Variants in ERGIC1 observed in about 807,000 individuals in gnomAD.
ERGIC1 encodes the protein endoplasmic reticulum-Golgi intermediate compartment protein 1.
ERGIC1 carries 19 observed loss-of-function variants against 38.3 expected under a neutral mutation model. The ratio of observed to expected loss-of-function variants is 0.50; its 90% CI spans 0.35 to 0.73. The LOEUF (loss-of-function observed/expected upper bound fraction) is 0.73, where lower values mean the gene tolerates loss of function less well. Among genes scored for constraint, ERGIC1 ranks in the 30% least tolerant of loss-of-function variants. The pLI is 0.01. For synonymous variants in ERGIC1, 124 were observed against 157.6 expected (o/e 0.79, Z 1.60); for missense variants, 294 against 389.2 (o/e 0.76, Z 2.06).
intron 9 of ERGIC1, among the ~76,000 whole-genome samples, chr5:172,946,713 G>T (rs1581592685): frequency 6.6e-6 from 1 of 152,276 alleles, no homozygotes; most frequent in African/African-American, 2.4e-5. Context: ...TCCAGGAAGT[G>T]CCAGTCCTGG....
At chr5:172,872,350 T>G (rs908973412) in intron 1 of ERGIC1, among the ~76,000 whole-genome samples, 2 of 152,210 alleles carry the variant, frequency 1.3e-5, no homozygotes, top group Admixed American at 6.5e-5. Context: ...AGGATCAGAT[T>G]TGAGGATCAG....
intron 1 of ERGIC1, among the ~76,000 whole-genome samples, chr5:172,888,045 T>A (rs1402276491): frequency 6.6e-6 from 1 of 152,172 alleles, no homozygotes; most frequent in African/African-American, 2.4e-5. Flanking sequence ...GTTCCATACA[T>A]TCCATAATTA....
At chr5:172,942,344 G>A (rs977432435) in intron 9 of ERGIC1, among the ~76,000 whole-genome samples, 9 of 152,098 alleles carry the variant, frequency 5.9e-5, no homozygotes, top group Non-Finnish European at 1.2e-4. Flanking sequence ...CCCATATGCC[G>A]CCTCGGTTCT....
intron 1 of ERGIC1, among the ~76,000 whole-genome samples, chr5:172,839,271 A>G (rs1761102007): frequency 6.7e-6 from 1 of 149,748 alleles, no homozygotes; most frequent in East Asian, 2.0e-4. Flanking sequence ...GTATATATAT[A>G]TGGGCCAGGT....
At chr5:172,917,560 T>C (rs987801236) in intron 5 of ERGIC1, 2 of 152,176 alleles carry the variant, frequency 1.3e-5, no homozygotes, top group Non-Finnish European at 2.9e-5. Flanking sequence ...TTGAGGAGCA[T>C]TGGTTTAAGC....
intron 3 of ERGIC1, among the ~76,000 whole-genome samples, chr5:172,900,277 T>A (rs563017106): frequency 4.9e-4 from 74 of 152,262 alleles, no homozygotes; most frequent in African/African-American, 1.8e-3. Context: ...GCAGGGCTGC[T>A]TCTTTCTGAA....
intron 1 of ERGIC1, among the ~76,000 whole-genome samples, chr5:172,861,257 G>A (rs528078951): frequency 3.9e-5 from 6 of 152,090 alleles, no homozygotes; most frequent in South Asian, 4.1e-4. Flanking sequence ...GGCACTTGGC[G>A]TAGTGGCTCC....
chr5:172,875,460 C>T (rs574903792), intron 1 of ERGIC1, among the ~76,000 whole-genome samples: 1 of 152,046 alleles, frequency 6.6e-6, no homozygotes, highest in Non-Finnish European at 1.5e-5. Flanking sequence ...AGCCCCCTAC[C>T]CCCCCAGCAG....
chr5:172,926,702 A>C lies in ERGIC1; in HGVS notation c.541+133A>C, dbSNP rs950869303. The C allele has an allele frequency of 5.2e-6, 5 of 953,772 alleles. No homozygotes were observed. Among genetic ancestry groups the C allele is most frequent in the African/African-American group, 1.6e-5 (1 of 61,868 alleles). 59.1% of individuals were successfully genotyped at this position (953,772 alleles called of 1,614,324 possible). On this transcript the variant is annotated intron_variant, in intron 7 of 9. Coordinates refer to ENST00000393784, the MANE Select transcript of ERGIC1 (RefSeq NM_001031711.3). The surrounding 1 kb of genome is among the most constrained non-coding windows in gnomAD (Gnocchi z 5.2). ...GCAGGGAGGCTGCTGCTCACACTCC[A>C]TTCCCACAGCTAACCAGTGGGAAGG...
intron 1 of ERGIC1, among the ~76,000 whole-genome samples, chr5:172,873,460 C>T (rs1762068019): frequency 6.6e-6 from 1 of 152,254 alleles, no homozygotes; most frequent in African/African-American, 2.4e-5. Flanking sequence ...GCCAGGGCCT[C>T]CAGGTGACAC....
intron 1 of ERGIC1, among the ~76,000 whole-genome samples, chr5:172,883,132 C>T (rs1184693688): frequency 1.3e-5 from 2 of 152,088 alleles, no homozygotes; most frequent in Non-Finnish European, 2.9e-5. Flanking sequence ...TTTAAATTTC[C>T]ATTTGAAATA....
chr5:172,933,911 C>T (rs1227052510), intron 8 of ERGIC1: 1 of 147,832 alleles, frequency 6.8e-6, no homozygotes, highest in Non-Finnish European at 1.5e-5. Context: ...GCCTAGCCCA[C>T]CAAAAAAAAA....
intron 3 of ERGIC1, among the ~76,000 whole-genome samples, chr5:172,904,907 C>T (rs13168968): frequency 0.17 from 26,176 of 152,220 alleles, 2,559 homozygotes; most frequent in Non-Finnish European, 0.21. Flanking sequence ...ACATAACCAG[C>T]CTGGCCAGAG....
At position 172,873,730 on chromosome 5, in the gene ERGIC1, C is replaced by G. The variant is rs114639139; in HGVS notation, c.21-14969C>G. Among the ~76,000 whole-genome samples, 1,219 of 152,312 alleles carry G rather than the reference C, an allele frequency of 8.0e-3. 8 individuals carry two copies. The highest frequency in any genetic ancestry group is 0.028 in the African/African-American group (1,161 of 41,574). ...TGAGCTTAGGCAAGTGGCTTGGCCT[C>G]TCTGAGCCTCAGTTTCTGCATTTGT... On this transcript the variant is annotated intron_variant, in intron 1 of 9. Coordinates refer to ENST00000393784, the MANE Select transcript of ERGIC1 (RefSeq NM_001031711.3).
chr5:172,894,341 G>A (rs1002183892), intron 2 of ERGIC1, among the ~76,000 whole-genome samples: 3 of 150,764 alleles, frequency 2.0e-5, no homozygotes, highest in Non-Finnish European at 4.4e-5. Flanking sequence ...GACTACAGGC[G>A]CCTGCCACAA....
chr5:172,885,286 T>C (rs1762389979), intron 1 of ERGIC1, among the ~76,000 whole-genome samples: 2 of 127,630 alleles, frequency 1.6e-5, no homozygotes, highest in Non-Finnish European at 3.4e-5. Context: ...CACACCACCA[T>C]GCCCAGCTAA....
At chr5:172,941,751 A>G (rs1172457304) in intron 9 of ERGIC1, among the ~76,000 whole-genome samples, 2 of 152,246 alleles carry the variant, frequency 1.3e-5, no homozygotes, top group Non-Finnish European at 2.9e-5. Context: ...CACACAAACC[A>G]TTAAAAAAGC....
intron 3 of ERGIC1, among the ~76,000 whole-genome samples, chr5:172,899,991 C>T (rs1351211924): frequency 6.6e-6 from 1 of 152,248 alleles, no homozygotes; most frequent in Non-Finnish European, 1.5e-5. Flanking sequence ...CCGCTCCGCA[C>T]CAGGCATATA....
chr5:172,855,404 A>G (rs1761521320), intron 1 of ERGIC1, among the ~76,000 whole-genome samples: 1 of 152,068 alleles, frequency 6.6e-6, no homozygotes, highest in Non-Finnish European at 1.5e-5. Flanking sequence ...CCATTTGCTC[A>G]CTCAGTCATG....
Sources: allele counts gnomAD v4.1 joint callset (sites outside exome capture counted in the v4.1 genomes callset), GRCh38; gene constraint gnomAD v4.1.1; non-coding constraint Gnocchi (gnomAD v3.1); transcripts MANE v1.5; gene names NCBI Gene and HGNC (gene_info 2026-07-23, HGNC 2026-07-21).